PACSIN1: variants seen among roughly 807,000 people sequenced by gnomAD.
PACSIN1 encodes the protein protein kinase C and casein kinase substrate in neurons protein 1.
A neutral mutation model predicts 59.5 loss-of-function variants in PACSIN1; 15 were observed. The ratio of observed to expected loss-of-function variants is 0.25; its 90% CI spans 0.17 to 0.39. The LOEUF is 0.39. Ranked by LOEUF, PACSIN1 falls within the 10% of genes least tolerant of loss-of-function variation. The pLI is 1.00. For missense variants in PACSIN1, 420 were observed against 580.2 expected, an observed-to-expected ratio of 0.72 and a Z score of 2.84; for synonymous variants, 210 against 220.6, an observed-to-expected ratio of 0.95 and a Z score of 0.42.
At chr6:34,500,626 T>A (rs1261357709) in intron 1 of PACSIN1, among the ~76,000 whole-genome samples, 1 of 152,222 alleles carries the variant, frequency 6.6e-6, no homozygotes, top group Non-Finnish European at 1.5e-5. Flanking sequence ...GAGCACTGGC[T>A]TCAACTTAAA....
intron 1 of PACSIN1, among the ~76,000 whole-genome samples, chr6:34,505,759 G>A (rs950397701): frequency 4.0e-5 from 6 of 149,910 alleles, no homozygotes; most frequent in African/African-American, 7.4e-5. Flanking sequence ...CAGCCTCCCC[G>A]GTAGCTGGGA....
chr6:34,480,387 G>C (rs1581958981), intron 1 of PACSIN1, among the ~76,000 whole-genome samples: 1 of 151,580 alleles, frequency 6.6e-6, no homozygotes, highest in Admixed American at 6.6e-5. Context: ...ACCACACCCA[G>C]CTAATTTTTA....
intron 2 of PACSIN1, among the ~76,000 whole-genome samples, chr6:34,526,730 C>G (rs910110881): frequency 1.3e-5 from 2 of 152,182 alleles, no homozygotes; most frequent in African/African-American, 4.8e-5. Context: ...GGTGGAGCGC[C>G]GGACACAGAG....
At position 34,526,248 on chromosome 6, in the gene PACSIN1, G is replaced by T; in HGVS notation, c.-58G>T. 1.4e-6 allele frequency: 2 copies of T among 1,428,342 alleles called. No individual in the cohort carries two copies. The highest frequency in any genetic ancestry group is 1.1e-5 in the South Asian group (1 of 87,012). 88.5% of individuals were successfully genotyped at this position (1,428,342 alleles called of 1,614,324 possible). On this transcript the variant is annotated 5_prime_UTR_variant, in exon 2 of 10. An upstream start codon of the reference 5' UTR is lost. Transcript: ENST00000244458. ...TCTCTCTCCTGCCCTCCCAGTGCATGAGCAGCCGAGCCTGCTAACCGCAGC... is the reference window on the plus strand; with the variant it reads ...TCTCTCTCCTGCCCTCCCAGTGCATTAGCAGCCGAGCCTGCTAACCGCAGC...
rs1024132421 is a variant in PACSIN1 at position 34,534,191 on chromosome 6, G to A, written c.*1661G>A. 6.6e-6 allele frequency: 1 copy of A among 152,562 alleles called. No homozygotes were observed. Among genetic ancestry groups the A allele is most frequent in the African/African-American group, 2.4e-5 (1 of 41,448 alleles). The allele number at this position is 152,562 out of a possible 1,614,324, so 9.5% of individuals were successfully genotyped here. On this transcript the variant is annotated 3_prime_UTR_variant, in exon 10 of 10. Coordinates refer to ENST00000244458, the MANE Select transcript of PACSIN1 (RefSeq NM_020804.5). Reference sequence around the variant, plus strand: ...CTGCTGCTTCTCCCAACAGCCCACTGTTAGGAGGTAGTAGACCCCAGCCTC... The same window carrying A: ...CTGCTGCTTCTCCCAACAGCCCACTATTAGGAGGTAGTAGACCCCAGCCTC...
chr6:34,483,338 G>A (rs528517767), intron 1 of PACSIN1, among the ~76,000 whole-genome samples: 72 of 152,214 alleles, frequency 4.7e-4, no homozygotes, highest in South Asian at 2.5e-3. Context: ...TCAACCTAAG[G>A]TCCCATCCAA....
At chr6:34,517,199 T>C (rs1393466565) in intron 1 of PACSIN1, among the ~76,000 whole-genome samples, 2 of 152,194 alleles carry the variant, frequency 1.3e-5, no homozygotes, top group African/African-American at 4.8e-5. Context: ...CGGCAGATCC[T>C]GTTGGCTGGA....
chr6:34,517,336 C>T (rs1199187129), intron 1 of PACSIN1, among the ~76,000 whole-genome samples: 1 of 151,754 alleles, frequency 6.6e-6, no homozygotes, highest in East Asian at 1.9e-4. Flanking sequence ...GCCCACTCTG[C>T]CCCACCATGG....
intron 1 of PACSIN1, among the ~76,000 whole-genome samples, chr6:34,519,495 G>A (rs1767350973): frequency 6.6e-6 from 1 of 152,182 alleles, no homozygotes; most frequent in Admixed American, 6.5e-5. Flanking sequence ...GGGACCTGGA[G>A]ACCTGAAGGT....
chr6:34,490,371 G>C lies in PACSIN1; in HGVS notation c.-64+24101G>C, dbSNP rs556065604. ...TGTCAGCCACCATGCCCAGCTCTTGGACTCTTTTGATTGCATCAAGTGGGC... is the reference window on the plus strand; with the variant it reads ...TGTCAGCCACCATGCCCAGCTCTTGCACTCTTTTGATTGCATCAAGTGGGC... On this transcript the variant is annotated intron_variant, in intron 1 of 9. Coordinates refer to ENST00000244458, the MANE Select transcript of PACSIN1 (RefSeq NM_020804.5). Among the ~76,000 whole-genome samples the C allele has an allele frequency of 2.6e-5, 4 of 151,882 alleles. No individual in the cohort carries two copies. The East Asian group carries it at 5.8e-4, about 22-fold the overall frequency.
In PACSIN1 at chr6:34,514,947, G is replaced by C. The variant is rs1011553523; in HGVS notation, c.-63-11296G>C. 6.6e-6 allele frequency: 1 copy of C among 152,402 alleles called. No homozygotes were observed. The highest frequency in any genetic ancestry group is 2.1e-4 in the South Asian group (1 of 4,826). The allele number at this position is 152,402 out of a possible 1,614,324, so 9.4% of individuals were successfully genotyped here. On this transcript the variant is annotated intron_variant, in intron 1 of 9. Transcript: ENST00000244458. This position sits in a 1 kb window ranked among gnomAD's most constrained non-coding sequence, Gnocchi z 4.4. The stretch of plus-strand genomic sequence containing the variant: ...GACAGAGCCCCCAGCCCGGCAGCAG[G>C]CCCCCTCTCCGCCCGCCACCACGGA...
In PACSIN1 at chr6:34,518,667, C is replaced by A. The variant is rs1020721055; in HGVS notation, c.-63-7576C>A. ...AGCTCTGGGAGGGGTTTTGAACACA[C>A]CTTTGACTCAGTCCAGGAGGGCAGG... is the stretch of plus-strand genomic sequence containing the variant. On this transcript the variant is annotated intron_variant, in intron 1 of 9. Coordinates refer to ENST00000244458, the MANE Select transcript of PACSIN1 (RefSeq NM_020804.5). The surrounding 1 kb of genome is among the most constrained non-coding windows in gnomAD (Gnocchi z 4.4). 6.6e-6 allele frequency among the ~76,000 whole-genome samples: 1 copy of A among 152,238 alleles called. No individual in the cohort carries two copies.
intron 3 of PACSIN1, chr6:34,527,761 A>G: frequency 3.5e-6 from 1 of 287,892 alleles, no homozygotes. Context: ...GAGAATTCCT[A>G]CATACCCTTC....
chr6:34,469,879 C>T (rs2113830820), intron 1 of PACSIN1, among the ~76,000 whole-genome samples: 1 of 152,322 alleles, frequency 6.6e-6, no homozygotes, highest in Admixed American at 6.5e-5. Flanking sequence ...ACCTCTAATG[C>T]CAGGGAAGTT....
rs1160053216 is a variant in PACSIN1, at chr6:34,531,133, G to A, written c.1038-467G>A. ...CATATCCTTCTAGAGCACCTACTGT[G>A]TGTGGCACGGTTCTATGCACTTTCC... On this transcript the variant is annotated intron_variant, in intron 8 of 9. Transcript: ENST00000244458. This position sits in a 1 kb window ranked among gnomAD's most constrained non-coding sequence, Gnocchi z 4.4. 1.3e-5 allele frequency among the ~76,000 whole-genome samples: 2 copies of A among 152,220 alleles called. No homozygotes were observed. Among genetic ancestry groups the A allele is most frequent in the African/African-American group, 2.4e-5 (1 of 41,452 alleles).
intron 1 of PACSIN1, among the ~76,000 whole-genome samples, chr6:34,498,307 G>A (rs1473871661): frequency 3.3e-5 from 5 of 152,036 alleles, no homozygotes; most frequent in East Asian, 1.9e-4. Context: ...TGATCCACCC[G>A]CTTCAGCCTC....
rs753764882 is a variant in PACSIN1, at chr6:34,530,443, T to A, written c.910-17T>A. On this transcript the variant is annotated splice_polypyrimidine_tract_variant and intron_variant, in intron 7 of 9. Coordinates refer to ENST00000244458, the MANE Select transcript of PACSIN1 (RefSeq NM_020804.5). This position sits in a 1 kb window ranked among gnomAD's most constrained non-coding sequence, Gnocchi z 4.4. ...GGGCATAGTCCCCCAGCCTGACTGC[T>A]CCACTGGCCCCACCAGGAGTGGAAC... 6.3e-7 allele frequency: 1 copy of A among 1,595,922 alleles called. No individual in the cohort carries two copies. The highest frequency in any genetic ancestry group is 1.7e-5 in the Admixed American group (1 of 58,306).
chr6:34,477,312 G>T (rs1561955412), intron 1 of PACSIN1, among the ~76,000 whole-genome samples: 1 of 151,680 alleles, frequency 6.6e-6, no homozygotes, highest in Non-Finnish European at 1.5e-5. Context: ...GCAACATAGG[G>T]AGATGCTGTC....
rs769360640 is a variant in PACSIN1 at position 34,531,807 on chromosome 6, C to T, written c.1225+20C>T. On this transcript the variant is annotated intron_variant, in intron 9 of 9. Coordinates refer to ENST00000244458, the MANE Select transcript of PACSIN1 (RefSeq NM_020804.5). This position sits in a 1 kb window ranked among gnomAD's most constrained non-coding sequence, Gnocchi z 4.4. ...AGGCCGGTAGGACGGCTGGGCGGGG[C>T]AGTGCCTGAGAGAGGCTTGGGCCTG... is the stretch of plus-strand genomic sequence containing the variant. 1.9e-6 allele frequency: 3 copies of T among 1,542,168 alleles called. No homozygotes were observed. The highest frequency in any genetic ancestry group is 2.3e-5 in the East Asian group (1 of 43,658).
Sources: allele counts gnomAD v4.1 joint callset (sites outside exome capture counted in the v4.1 genomes callset), GRCh38; gene constraint gnomAD v4.1.1; non-coding constraint Gnocchi (gnomAD v3.1); transcripts MANE v1.5; gene names NCBI Gene and HGNC (gene_info 2026-07-23, HGNC 2026-07-21).